Variants in AHCY observed in about 807,000 individuals in gnomAD.
AHCY encodes the protein adenosylhomocysteinase.
AHCY carries 24 observed loss-of-function variants against 45.4 expected under a neutral mutation model. The ratio of observed to expected loss-of-function variants is 0.53; its 90% CI spans 0.38 to 0.74. The LOEUF is 0.74. AHCY is among the 30% of genes least tolerant of loss of function. The pLI, the probability that AHCY is intolerant of heterozygous loss-of-function variation, is 0.00. For missense variants in AHCY, 449 were observed against 594.1 expected, an observed-to-expected ratio of 0.76 and a Z score of 2.54; for synonymous variants, 245 against 235.1, an observed-to-expected ratio of 1.04 and a Z score of -0.39.
At chr20:34,276,824 G>T (rs1225001643), downstream of AHCY, among the ~76,000 whole-genome samples, 1 of 152,120 alleles carries the variant, frequency 6.6e-6, no homozygotes, top group Admixed American at 6.5e-5. Context: ...AACCAACCTG[G>T]AACTGATCGA....
the AHCY span, among the ~76,000 whole-genome samples, chr20:34,271,799 A>C: frequency 2.0e-5 from 3 of 152,100 alleles, no homozygotes; most frequent in Non-Finnish European, 4.4e-5. Context: ...TCCTGACCTC[A>C]AACTATCTGC....
chr20:34,305,800 G>A (rs995855480), upstream of AHCY, among the ~76,000 whole-genome samples: 5 of 151,958 alleles, frequency 3.3e-5, no homozygotes, highest in Admixed American at 1.3e-4. Context: ...ATGAATTTAC[G>A]GACCAGGCGC....
At position 34,280,852 on chromosome 20, in the gene AHCY, C is replaced by T. The variant is rs1224946672; in HGVS notation, c.*182G>A. On this transcript the variant is annotated 3_prime_UTR_variant, in exon 10 of 10. Transcript: ENST00000217426. The stretch of plus-strand genomic sequence containing the variant: ...GGGCTTGAAGAGGGTACTCTGTTCC[C>T]GCTGCCACATTTGGAACAGTATGAC... 6 of 903,370 alleles carry T rather than the reference C, an allele frequency of 6.6e-6. No individual in the cohort carries two copies. Among genetic ancestry groups the T allele is most frequent in the South Asian group, 3.2e-5 (2 of 62,326 alleles). The allele number at this position is 903,370 out of a possible 1,614,324, so 56.0% of individuals were successfully genotyped here.
intron 1 of AHCY, among the ~76,000 whole-genome samples, chr20:34,299,637 G>A (rs1364803571): frequency 6.6e-6 from 1 of 152,144 alleles, no homozygotes; most frequent in Non-Finnish European, 1.5e-5. Flanking sequence ...TGCCTCCACA[G>A]CACCTCCACT....
chr20:34,284,988 G>A (rs1377932669), intron 9 of AHCY, among the ~76,000 whole-genome samples: 1 of 152,180 alleles, frequency 6.6e-6, no homozygotes, highest in Non-Finnish European at 1.5e-5. Context: ...AGCTCTTCCA[G>A]TCCTTGTTCA....
the AHCY span, among the ~76,000 whole-genome samples, chr20:34,271,191 C>T: frequency 1.3e-5 from 2 of 152,334 alleles, no homozygotes; most frequent in East Asian, 3.9e-4. Flanking sequence ...AACCACCCGC[C>T]TCAGCCTCCC....
At chr20:34,258,679 A>ATATATATATATATATATATATC in the AHCY span, among the ~76,000 whole-genome samples, 1 of 69,608 alleles carries the variant, frequency 1.4e-5, no homozygotes, top group Non-Finnish European at 2.3e-5. Context: ...GATGCCATAT[A>ATATATATATATATATATATATC]TATATATATA....
At chr20:34,282,142 A>G (rs1179656152) in intron 9 of AHCY, among the ~76,000 whole-genome samples, 1 of 152,138 alleles carries the variant, frequency 6.6e-6, no homozygotes, top group Non-Finnish European at 1.5e-5. Flanking sequence ...TGAATAGAAG[A>G]AAGCAGAAGT....
At chr20:34,302,941 C>A (rs1200359712) in intron 1 of AHCY, 7 of 985,446 alleles carry the variant, frequency 7.1e-6, no homozygotes, top group Non-Finnish European at 8.4e-6. Context: ...TGCCAGCCGT[C>A]CCAGGCCGTG....
chr20:34,271,580 T>TC, the AHCY span, among the ~76,000 whole-genome samples: 1 of 151,280 alleles, frequency 6.6e-6, no homozygotes, highest in African/African-American at 2.4e-5. Context: ...TTTTTTTTTT[T>TC]TTTGAGACGG....
At chr20:34,303,014 C>G in intron 1 of AHCY, 1 of 985,392 alleles carries the variant, frequency 1.0e-6, no homozygotes. Context: ...CGCGGCGGCC[C>G]CGGCGTCGCG....
chr20:34,257,700 CTCTGCCTCCACAA>C, the AHCY span, among the ~76,000 whole-genome samples: 1 of 152,036 alleles, frequency 6.6e-6, no homozygotes, highest in East Asian at 1.9e-4. Flanking sequence ...GTAATTTTTC[CTCTGCCTCCACAA>C]TCCAAGTTTA....
chr20:34,236,001 A>AGGGAAGCAG, the AHCY span, among the ~76,000 whole-genome samples: 6 of 102,520 alleles, frequency 5.9e-5, no homozygotes, highest in African/African-American at 4.1e-4. Flanking sequence ...GGAAGGAAGG[A>AGGGAAGCAG]GAAAGAGAGA....
chr20:34,298,052 T>C (rs1334683505), intron 1 of AHCY, among the ~76,000 whole-genome samples: 1 of 151,968 alleles, frequency 6.6e-6, no homozygotes, highest in Non-Finnish European at 1.5e-5. Flanking sequence ...GGCAGGAGAA[T>C]CACTTGAACC....
At position 34,303,307 on chromosome 20, in the gene AHCY, C is replaced by T. The variant is rs2036846608; in HGVS notation, c.-37G>A. On this transcript the variant is annotated 5_prime_UTR_variant, in exon 1 of 10. Coordinates refer to ENST00000217426, the MANE Select transcript of AHCY (RefSeq NM_000687.4). ...TCGTGATGGAAACGGGCGAAGGGGGCTGGGCCTCAGTCTGGGAACAGGAAC... is the reference window on the plus strand; with the variant it reads ...TCGTGATGGAAACGGGCGAAGGGGGTTGGGCCTCAGTCTGGGAACAGGAAC... 1.7e-5 allele frequency: 26 copies of T among 1,551,588 alleles called. No homozygotes were observed. In the East Asian group the frequency reaches 5.6e-4, roughly 34 times the overall value.
At chr20:34,303,038 C>T in intron 1 of AHCY, 1 of 985,462 alleles carries the variant, frequency 1.0e-6, no homozygotes, top group Non-Finnish European at 1.2e-6. Flanking sequence ...CATGCTGGGA[C>T]TTGTAGTCCA....
chr20:34,233,411 T>C, the AHCY span, among the ~76,000 whole-genome samples: 4 of 152,128 alleles, frequency 2.6e-5, no homozygotes, highest in Non-Finnish European at 5.9e-5. Context: ...CCTCCCACAG[T>C]GCTGGGATTA....
the AHCY span, among the ~76,000 whole-genome samples, chr20:34,272,138 T>TTCA: frequency 6.6e-6 from 1 of 152,234 alleles, no homozygotes; most frequent in East Asian, 1.9e-4. Flanking sequence ...CTCCAACCTC[T>TTCA]TCAGTCCTTG....
the AHCY span, among the ~76,000 whole-genome samples, chr20:34,259,381 T>C: frequency 6.6e-6 from 1 of 151,738 alleles, no homozygotes; most frequent in Non-Finnish European, 1.5e-5. Flanking sequence ...GGTGTGGTGG[T>C]GGGCACCTGT....
Sources: allele counts gnomAD v4.1 joint callset (sites outside exome capture counted in the v4.1 genomes callset), GRCh38; gene constraint gnomAD v4.1.1; transcripts MANE v1.5; gene names NCBI Gene and HGNC (gene_info 2026-07-23, HGNC 2026-07-21).